DST: variants seen among roughly 807,000 people sequenced by gnomAD.
DST encodes the protein dystonin, also known as bullous pemphigoid antigen.
A neutral mutation model predicts 875.2 loss-of-function variants in DST; 253 were observed. That is an observed-to-expected ratio of 0.29 (90% CI 0.26 to 0.32). The LOEUF is 0.32. Among genes scored for constraint, DST ranks in the 10% least tolerant of loss-of-function variants. DST has a pLI of 1.00. For synonymous variants in DST, 3,124 were observed against 3,197.1 expected (o/e 0.98, Z 0.77); for missense variants, 8,287 against 9,111.6 (o/e 0.91, Z 3.68).
chr6:56,527,697 G>A lies in DST; in HGVS notation c.17718C>T (p.Ala5906=). Reference sequence around the variant, plus strand: ...TAATGTCTTTGTACCTTGCTTTAATGGCTTCCAATTTATCTTGAATTATTA... The same window carrying A: ...TAATGTCTTTGTACCTTGCTTTAATAGCTTCCAATTTATCTTGAATTATTA... ...EVLIIQDKLE[A]IKARYKDITK... The change falls in exon 68 of 104, where the codon GCC becomes GCT. Residue 5906 remains alanine (A), a synonymous_variant. Transcript: ENST00000680361. The A allele has an allele frequency of 6.2e-7, 1 of 1,608,894 alleles. No homozygotes were observed. The highest frequency in any genetic ancestry group is 1.1e-5 in the South Asian group (1 of 89,848).
intron 98 of DST, among the ~76,000 whole-genome samples, chr6:56,468,220 C>A (rs2152390406): frequency 6.6e-6 from 1 of 152,138 alleles, no homozygotes; most frequent in African/African-American, 2.4e-5. Context: ...CAGAGTATCT[C>A]CTTAGTTTCA....
rs2096861185 is a variant in DST, at chr6:56,529,642, A to G, written c.17401T>C (p.Trp5801Arg). 3 of 1,613,788 alleles carry G rather than the reference A, an allele frequency of 1.9e-6. No homozygotes were observed. In the East Asian group the frequency reaches 6.7e-5, roughly 36 times the overall value. ...VQSKLDFSQV[W>R]YIEIQEKSHS... ...CTTTTCTCTTGAATCTCAATGTACC[A>G]TACTTGAGAGAAGTCTAATTTACTC... The change falls in exon 66 of 104, where the codon TGG becomes CGG. Residue 5801 changes from tryptophan (W) to arginine (R), a missense_variant. Coordinates refer to ENST00000680361, the MANE Select transcript of DST (RefSeq NM_001374736.1).
At chr6:56,853,089 C>T (rs1766072089) in intron 3 of DST, among the ~76,000 whole-genome samples, 1 of 152,068 alleles carries the variant, frequency 6.6e-6, no homozygotes, top group Non-Finnish European at 1.5e-5. Flanking sequence ...TAGAAGTTCA[C>T]GTAATATTTC....
intron 5 of DST, among the ~76,000 whole-genome samples, chr6:56,709,980 C>T (rs747600285): frequency 6.6e-6 from 1 of 152,156 alleles, no homozygotes; most frequent in African/African-American, 2.4e-5. Flanking sequence ...GAGGCTGGAA[C>T]GATGCGCCGG....
At chr6:56,720,499 C>T (rs912849004) in intron 5 of DST, among the ~76,000 whole-genome samples, 10 of 152,008 alleles carry the variant, frequency 6.6e-5, no homozygotes, top group Admixed American at 1.3e-4. Flanking sequence ...GAGGTCCCTG[C>T]GGCCTTCTGC....
chr6:56,625,866 T>C (rs1378482333), intron 34 of DST, among the ~76,000 whole-genome samples: 1 of 151,174 alleles, frequency 6.6e-6, no homozygotes, highest in Non-Finnish European at 1.5e-5. Flanking sequence ...GACCTTCCCA[T>C]GGGATTTGGA....
chr6:56,576,431 T>C (rs1035815773), intron 50 of DST, among the ~76,000 whole-genome samples: 1 of 152,178 alleles, frequency 6.6e-6, no homozygotes, highest in Non-Finnish European at 1.5e-5. Context: ...GTGATTGGTA[T>C]CTGAAGTGGG....
intron 61 of DST, among the ~76,000 whole-genome samples, chr6:56,550,892 C>T (rs2097310483): frequency 1.3e-5 from 2 of 152,116 alleles, no homozygotes. Flanking sequence ...GCAATTGCCA[C>T]AGAACTATGT....
chr6:56,939,870 C>A (rs1815411225), intron 2 of DST, among the ~76,000 whole-genome samples: 1 of 151,592 alleles, frequency 6.6e-6, no homozygotes, highest in Admixed American at 6.6e-5. Flanking sequence ...ACTAAAACTA[C>A]AAAAAATTAG....
chr6:56,756,808 G>T (rs182707706), intron 4 of DST, among the ~76,000 whole-genome samples: 2 of 152,166 alleles, frequency 1.3e-5, no homozygotes, highest in African/African-American at 4.8e-5. Context: ...GACTAGATCA[G>T]CCATAAAAGA....
intron 4 of DST, among the ~76,000 whole-genome samples, chr6:56,812,109 A>AAAAAAGAAAAGAAAAGAAAAG (rs1554158454): frequency 1.4e-4 from 16 of 111,802 alleles, no homozygotes; most frequent in East Asian, 5.0e-4. Flanking sequence ...CTCAAAAAAA[A>AAAAAAGAAAAGAAAAGAAAAG]AAAAGAAAAG....
chr6:56,573,108 T>C (rs931710095), intron 51 of DST, 44 bp from the exon 52 acceptor site: 2 of 1,422,012 alleles, frequency 1.4e-6, no homozygotes, highest in Non-Finnish European at 1.9e-6. Flanking sequence ...ATGATGCTTA[T>C]AAATAATGTG....
intron 10 of DST, among the ~76,000 whole-genome samples, chr6:56,669,983 T>C (rs2099091881): frequency 6.6e-6 from 1 of 152,220 alleles, no homozygotes; most frequent in Non-Finnish European, 1.5e-5. Context: ...GACTAGGAGA[T>C]ATGAACTGGA....
intron 15 of DST, chr6:56,642,959 T>C (rs2098920803): frequency 3.5e-6 from 5 of 1,411,954 alleles, no homozygotes; most frequent in East Asian, 2.5e-5. Flanking sequence ...GCAAATAATA[T>C]GCTGATAACT....
chr6:56,557,541 G>T, intron 58 of DST, 23 bp from the exon 59 acceptor site: 1 of 1,568,180 alleles, frequency 6.4e-7, no homozygotes. Context: ...AAATGAAACT[G>T]GTGTTTGACA....
At chr6:56,627,933 G>A in intron 33 of DST, 66 bp downstream of exon 33, 1 of 1,431,018 alleles carries the variant, frequency 7.0e-7, no homozygotes, top group Non-Finnish European at 9.8e-7. Flanking sequence ...CATAGGAAAG[G>A]AAGATGAGGA....
In DST at chr6:56,541,124, G is replaced by C. The variant is rs150327157; in HGVS notation, c.16609-4184C>G. 4 of 152,736 alleles carry C rather than the reference G, an allele frequency of 2.6e-5. No homozygotes were observed. In the East Asian group the frequency reaches 7.7e-4, roughly 29 times the overall value. The allele number at this position is 152,736 out of a possible 1,614,324, so 9.5% of individuals were successfully genotyped here. ...AACAAAAGAGCTTTCACTTTTGTTT[G>C]CATAATCCATAAAATTGGCCGGGAC... On this transcript the variant is annotated intron_variant, in intron 61 of 103. Coordinates refer to ENST00000680361, the MANE Select transcript of DST (RefSeq NM_001374736.1).
chr6:56,531,811 A>G (rs112625545), intron 64 of DST, among the ~76,000 whole-genome samples: 9,998 of 152,128 alleles, frequency 0.066, 481 homozygotes, highest in East Asian at 0.14. Context: ...CCTAGCCTTC[A>G]TGAAGTTAGA....
At chr6:56,788,340 T>G (rs1490841071) in intron 4 of DST, among the ~76,000 whole-genome samples, 2 of 151,778 alleles carry the variant, frequency 1.3e-5, no homozygotes, top group Non-Finnish European at 1.5e-5. Flanking sequence ...TAGTTGGGAC[T>G]ATAGGTGTGC....
Sources: gnomAD v4.1 joint callset for allele counts (sites outside exome capture counted in the v4.1 genomes callset) on GRCh38, gnomAD v4.1.1 for gene constraint, MANE v1.5 for transcripts, NCBI Gene and HGNC (gene_info 2026-07-23, HGNC 2026-07-21) for gene names.